KCNN2: variants seen among roughly 807,000 people sequenced by gnomAD.
KCNN2 encodes small conductance calcium-activated potassium channel protein 2.
KCNN2 carries 24 observed loss-of-function variants against 55.5 expected under a neutral mutation model. That is an observed-to-expected ratio of 0.43 (90% CI 0.31 to 0.61). The LOEUF (loss-of-function observed/expected upper bound fraction) is 0.61. Among genes scored for constraint, KCNN2 ranks in the 20% least tolerant of loss-of-function variants. KCNN2 has a pLI of 0.08. For synonymous variants in KCNN2, 431 were observed against 336.1 expected (o/e 1.28, Z -3.09); for missense variants, 754 against 853.6 (o/e 0.88, Z 1.45).
intron 1 of KCNN2, among the ~76,000 whole-genome samples, chr5:114,159,153 G>T (rs533568378): frequency 2.5e-4 from 38 of 152,038 alleles, no homozygotes; most frequent in Middle Eastern, 3.4e-3. Context: ...CATAGATAGC[G>T]CTTATTATTT....
At chr5:114,125,678 G>T (rs1455582963) in intron 1 of KCNN2, among the ~76,000 whole-genome samples, 1 of 152,154 alleles carries the variant, frequency 6.6e-6, no homozygotes, top group Non-Finnish European at 1.5e-5. Context: ...TTTACACAGA[G>T]ATTTATTTTC....
chr5:114,253,497 T>G (rs930691485), intron 2 of KCNN2: 1 of 152,444 alleles, frequency 6.6e-6, no homozygotes, highest in African/African-American at 2.4e-5. Context: ...GAAATGATAC[T>G]TTAAGGGAAG....
At chr5:114,216,050 C>A (rs1183933893) in intron 1 of KCNN2, among the ~76,000 whole-genome samples, 1 of 152,030 alleles carries the variant, frequency 6.6e-6, no homozygotes. Context: ...TGTTAGCTTT[C>A]ATCTGGTAAA....
chr5:114,230,139 T>C (rs1034198530), intron 2 of KCNN2, among the ~76,000 whole-genome samples: 8 of 152,152 alleles, frequency 5.3e-5, no homozygotes, highest in Admixed American at 5.2e-4. Context: ...CCTTTAAATG[T>C]ATTTATTTAT....
intron 1 of KCNN2, among the ~76,000 whole-genome samples, chr5:114,137,182 A>G (rs1483148172): frequency 3.3e-5 from 5 of 152,304 alleles, no homozygotes; most frequent in African/African-American, 9.6e-5. Context: ...TTTGTTATGC[A>G]CAGGTCATGA....
At chr5:114,147,705 A>G (rs1190773115) in intron 1 of KCNN2, among the ~76,000 whole-genome samples, 2 of 152,204 alleles carry the variant, frequency 1.3e-5, no homozygotes, top group South Asian at 2.1e-4. Context: ...GAGATAATGC[A>G]TAAGTAGGGA....
chr5:114,443,933 T>C (rs988781329), intron 3 of KCNN2, among the ~76,000 whole-genome samples: 1 of 152,226 alleles, frequency 6.6e-6, no homozygotes, highest in African/African-American at 2.4e-5. Context: ...TGGCTTGGGG[T>C]ATATGCTAAA....
At chr5:114,238,688 T>C (rs890887319) in intron 2 of KCNN2, among the ~76,000 whole-genome samples, 2 of 152,088 alleles carry the variant, frequency 1.3e-5, no homozygotes, top group African/African-American at 2.4e-5. Context: ...TAAAAAACAA[T>C]TTATTGGATT....
intron 3 of KCNN2, among the ~76,000 whole-genome samples, chr5:114,455,422 T>C (rs1274975557): frequency 1.3e-5 from 2 of 152,248 alleles, no homozygotes; most frequent in African/African-American, 4.8e-5. Context: ...ATAAATGTTG[T>C]GTGTGTTGAC....
At chr5:114,159,664 A>G (rs945426658) in intron 1 of KCNN2, among the ~76,000 whole-genome samples, 18 of 152,072 alleles carry the variant, frequency 1.2e-4, no homozygotes, top group Non-Finnish European at 1.5e-4. Flanking sequence ...GCTTTTAATT[A>G]TTGCCTTAAT....
At chr5:114,066,959 A>G (rs1750465119) in intron 1 of KCNN2, among the ~76,000 whole-genome samples, 1 of 152,228 alleles carries the variant, frequency 6.6e-6, no homozygotes, top group Non-Finnish European at 1.5e-5. Flanking sequence ...AACTGAGCTC[A>G]GGGAGACTGA....
chr5:114,260,144 A>T (rs1205875823), intron 2 of KCNN2, among the ~76,000 whole-genome samples: 1 of 152,226 alleles, frequency 6.6e-6, no homozygotes, highest in Non-Finnish European at 1.5e-5. Flanking sequence ...ACTATGGAAC[A>T]GCTCCTGACT....
intron 1 of KCNN2, among the ~76,000 whole-genome samples, chr5:114,167,047 T>C (rs1041513536): frequency 6.6e-6 from 1 of 152,168 alleles, no homozygotes; most frequent in African/African-American, 2.4e-5. Context: ...TAGTCTATAG[T>C]ATTTTGCGAT....
At chr5:114,295,404 C>T (rs894669193) in intron 2 of KCNN2, among the ~76,000 whole-genome samples, 79 of 152,302 alleles carry the variant, frequency 5.2e-4, no homozygotes, top group African/African-American at 1.8e-3. Flanking sequence ...TGGGCAATGG[C>T]AGGCACCCCT....
At chr5:114,399,151 C>G (rs1032246757) in intron 2 of KCNN2, among the ~76,000 whole-genome samples, 53 of 152,148 alleles carry the variant, frequency 3.5e-4, no homozygotes, top group African/African-American at 1.3e-3. Flanking sequence ...CCAGCTTTAG[C>G]CTTTTCAGCA....
At chr5:114,484,021 C>T (rs1004593484) in intron 5 of KCNN2, among the ~76,000 whole-genome samples, 1 of 152,112 alleles carries the variant, frequency 6.6e-6, no homozygotes, top group Non-Finnish European at 1.5e-5. Context: ...TTATATGAAT[C>T]TGTATACCCT....
At chr5:114,417,447 G>A (rs1759339923) in intron 3 of KCNN2, among the ~76,000 whole-genome samples, 1 of 152,154 alleles carries the variant, frequency 6.6e-6, no homozygotes. Context: ...AAGCCACTCT[G>A]CTAGGTTTTT....
At chr5:114,249,496 A>G (rs1460044228) in intron 2 of KCNN2, among the ~76,000 whole-genome samples, 1 of 151,898 alleles carries the variant, frequency 6.6e-6, no homozygotes, top group Non-Finnish European at 1.5e-5. Flanking sequence ...CATGTTGGCC[A>G]GGCTGATCTC....
At chr5:114,472,689 A>T (rs1344070188) in intron 4 of KCNN2, among the ~76,000 whole-genome samples, 8 of 152,168 alleles carry the variant, frequency 5.3e-5, no homozygotes, top group Non-Finnish European at 8.8e-5. Flanking sequence ...TACCCCATAT[A>T]CATTTATGCT....
Sources: gnomAD v4.1 joint callset for allele counts (sites outside exome capture counted in the v4.1 genomes callset) on GRCh38, gnomAD v4.1.1 for gene constraint, MANE v1.5 for transcripts, NCBI Gene and HGNC (gene_info 2026-07-23, HGNC 2026-07-21) for gene names.